SLC4A8: variants seen among roughly 807,000 people sequenced by gnomAD.
The protein encoded by SLC4A8 is electroneutral sodium bicarbonate exchanger 1.
Under a neutral mutation model 125.0 loss-of-function variants are expected in SLC4A8, and 40 were observed. The ratio of observed to expected loss-of-function variants is 0.32; its 90% CI spans 0.25 to 0.42. The LOEUF (loss-of-function observed/expected upper bound fraction) is 0.42, where lower values mean the gene tolerates loss of function less well. Among genes scored for constraint, SLC4A8 ranks in the 10% least tolerant of loss-of-function variants. The pLI, the probability that SLC4A8 is intolerant of heterozygous loss-of-function variation, is 1.00. For missense variants in SLC4A8, 863 were observed against 1,355.1 expected, an observed-to-expected ratio of 0.64 and a Z score of 5.70; for synonymous variants, 456 against 476.0, an observed-to-expected ratio of 0.96 and a Z score of 0.55.
chr12:51,447,245 T>C (rs1236190599), intron 2 of SLC4A8, among the ~76,000 whole-genome samples: 3 of 151,818 alleles, frequency 2.0e-5, no homozygotes, highest in Non-Finnish European at 4.4e-5. Flanking sequence ...ACCACACCTG[T>C]CTAATTTTTT....
chr12:51,457,141 A>C (rs1004755908), intron 5 of SLC4A8, among the ~76,000 whole-genome samples: 3 of 152,246 alleles, frequency 2.0e-5, no homozygotes, highest in Admixed American at 2.0e-4. Flanking sequence ...ATGCCCAATA[A>C]GAATAATTTG....
At chr12:51,411,051 T>G (rs1403825231) in intron 1 of SLC4A8, among the ~76,000 whole-genome samples, 1 of 149,022 alleles carries the variant, frequency 6.7e-6, no homozygotes, top group African/African-American at 2.5e-5. Context: ...ATCTGTTTTT[T>G]TTTTTTTTTT....
At chr12:51,415,996 G>T (rs752238918) in intron 1 of SLC4A8, among the ~76,000 whole-genome samples, 3 of 151,740 alleles carry the variant, frequency 2.0e-5, no homozygotes, top group Non-Finnish European at 2.9e-5. Context: ...CAAAAGGTAA[G>T]AGTACGACCT....
intron 16 of SLC4A8, among the ~76,000 whole-genome samples, chr12:51,476,869 G>A (rs1028432749): frequency 6.8e-6 from 1 of 147,778 alleles, no homozygotes; most frequent in Non-Finnish European, 1.5e-5. Context: ...ACCTATACAT[G>A]TATAATACAG....
chr12:51,442,208 ACAGTAACTGT>A (rs1180584734), intron 2 of SLC4A8, among the ~76,000 whole-genome samples: 1 of 152,172 alleles, frequency 6.6e-6, no homozygotes, highest in African/African-American at 2.4e-5. Context: ...GCAAGAGAGG[ACAGTAACTGT>A]CATTAACCAC....
At chr12:51,479,049 G>T (rs1463674870) in intron 16 of SLC4A8, among the ~76,000 whole-genome samples, 2 of 152,192 alleles carry the variant, frequency 1.3e-5, no homozygotes, top group African/African-American at 2.4e-5. Context: ...GTGTGCCATG[G>T]TGTGTCCTAG....
chr12:51,459,897 C>T (rs183641961), intron 7 of SLC4A8, 54 bp from the exon 8 acceptor site: 71 of 1,471,634 alleles, frequency 4.8e-5, no homozygotes, highest in Admixed American at 4.1e-4. Context: ...AATTTAAAAA[C>T]GATATTTAAG....
intron 15 of SLC4A8, among the ~76,000 whole-genome samples, chr12:51,474,792 C>T (rs937711122): frequency 3.9e-5 from 6 of 152,084 alleles, no homozygotes; most frequent in African/African-American, 1.4e-4. Flanking sequence ...ATATAAGTTG[C>T]CAGGGTCCTT....
chr12:51,488,784 T>C lies in SLC4A8; in HGVS notation c.2372T>C (p.Leu791Pro). Residue 791 changes from leucine (L) to proline (P), a missense_variant, in exon 18 of 25, where the codon CTT (leucine) becomes CCT (proline). Physicochemically the swap from Leu to Pro is moderately conservative, Grantham distance 98 (BLOSUM62 -3). Around this residue, in one of 6 missense-constraint regions of SLC4A8, gnomAD observed 197 missense variants for 377.7 expected, o/e 0.52. Coordinates refer to ENST00000453097, the MANE Select transcript of SLC4A8 (RefSeq NM_001039960.3). The stretch of plus-strand genomic sequence containing the variant: ...GTGATAGCTGCAATTATCCCAGCTC[T>C]TCTCTGTACTATCTTGATATTCATG... ...WTVIAAIIPA[L>P]LCTILIFMDQ... 1 of 1,613,638 alleles carries C rather than the reference T, an allele frequency of 6.2e-7. No homozygotes were observed. Among genetic ancestry groups the C allele is most frequent in the Non-Finnish European group, 8.5e-7 (1 of 1,179,532 alleles).
At chr12:51,430,714 G>A (rs910486083) in intron 1 of SLC4A8, among the ~76,000 whole-genome samples, 1 of 152,096 alleles carries the variant, frequency 6.6e-6, no homozygotes, top group Admixed American at 6.5e-5. Flanking sequence ...GGTTTGCCTT[G>A]GCAGGGTAGA....
At chr12:51,463,878 C>T (rs1950431191) in intron 11 of SLC4A8, among the ~76,000 whole-genome samples, 164 bp downstream of exon 11, 1 of 152,168 alleles carries the variant, frequency 6.6e-6, no homozygotes, top group African/African-American at 2.4e-5. Context: ...ATGAATATAT[C>T]AAATATCGTA....
chr12:51,433,884 G>GTTTTT (rs1565772495), intron 1 of SLC4A8, among the ~76,000 whole-genome samples: 116 of 72,160 alleles, frequency 1.6e-3, no homozygotes, highest in Admixed American at 3.4e-3. Flanking sequence ...TTTTTGGTTG[G>GTTTTT]TTTTTTTTTG....
At chr12:51,480,269 A>G in intron 16 of SLC4A8, 4 of 1,269,548 alleles carry the variant, frequency 3.2e-6, no homozygotes, top group Non-Finnish European at 3.1e-6. Flanking sequence ...GTTGGGAAAA[A>G]CTGGAGCAAA....
Position 51,401,079 on chromosome 12 carries a change from G to A in SLC4A8, c.-112+9591G>A, listed in dbSNP as rs894070927. The stretch of plus-strand genomic sequence containing the variant: ...GCAGGTTGTGGGGTTCAGATCCCAC[G>A]GCAGCGTCTACCTTTGGACAGTGCC... On this transcript the variant is annotated intron_variant, in intron 1 of 24. Transcript: ENST00000358657. Among the ~76,000 whole-genome samples, 5 of 151,608 alleles carry A rather than the reference G, an allele frequency of 3.3e-5. No homozygotes were observed. The East Asian group carries it at 7.9e-4, about 24-fold the overall frequency.
chr12:51,450,884 A>G lies in SLC4A8; in HGVS notation c.139A>G (p.Thr47Ala). The G allele has an allele frequency of 6.2e-7, 1 of 1,613,300 alleles. No individual in the cohort carries two copies. Reference sequence around the variant, plus strand: ...CTTCTGCTTCTTTCCAGGTCACAGAACTCTGTATGTGGGAGTTCGGATGCC... The same window carrying G: ...CTTCTGCTTCTTTCCAGGTCACAGAGCTCTGTATGTGGGAGTTCGGATGCC... Reference protein sequence around the residue: ...YEKEELEGHRTLYVGVRMPLG... With the variant: ...YEKEELEGHRALYVGVRMPLG... Residue 47 changes from threonine (T) to alanine (A), a missense_variant, in exon 3 of 25, where the codon ACT becomes GCT. By Grantham distance (58) the Thr-to-Ala change is moderately conservative. Transcript: ENST00000453097.
At chr12:51,455,119 TG>T (rs1279041903) in intron 5 of SLC4A8, among the ~76,000 whole-genome samples, 5 of 140,668 alleles carry the variant, frequency 3.6e-5, no homozygotes, top group African/African-American at 1.3e-4. Context: ...AGCACGGGGT[TG>T]GGGGTAAGGT....
At chr12:51,456,861 T>A (rs1950166171) in intron 5 of SLC4A8, among the ~76,000 whole-genome samples, 1 of 152,246 alleles carries the variant, frequency 6.6e-6, no homozygotes, top group African/African-American at 2.4e-5. Flanking sequence ...TCTTATAGAT[T>A]TCTCTTCTAA....
In SLC4A8 at chr12:51,507,542, G is replaced by T; in HGVS notation, c.*104G>T. The T allele has an allele frequency of 1.3e-6, 1 of 793,152 alleles. No homozygotes were observed. The highest frequency in any genetic ancestry group is 1.8e-6 in the Non-Finnish European group (1 of 542,974). The allele number at this position is 793,152 out of a possible 1,614,324, so 49.1% of individuals were successfully genotyped here. ...TCAGAGAAGAAGCAAGACCAAGTCTGGCCCTGTCCTTGGTCATCTCAAAGC... is the reference window on the plus strand; with the variant it reads ...TCAGAGAAGAAGCAAGACCAAGTCTTGCCCTGTCCTTGGTCATCTCAAAGC... On this transcript the variant is annotated 3_prime_UTR_variant, in exon 25 of 25. Coordinates refer to ENST00000453097, the MANE Select transcript of SLC4A8 (RefSeq NM_001039960.3).
intron 13 of SLC4A8, among the ~76,000 whole-genome samples, chr12:51,470,986 T>C (rs2138301345): frequency 6.6e-6 from 1 of 152,312 alleles, no homozygotes; most frequent in East Asian, 1.9e-4. Flanking sequence ...CTCATGGGAC[T>C]ATGGCCAGCC....
Sources: allele counts gnomAD v4.1 joint callset (sites outside exome capture counted in the v4.1 genomes callset), GRCh38; gene constraint gnomAD v4.1.1; regional missense constraint gnomAD v4.1.1; transcripts MANE v1.5; gene names NCBI Gene and HGNC (gene_info 2026-07-23, HGNC 2026-07-21).